Variants in RIPOR2 observed in about 807,000 individuals in gnomAD.
The protein encoded by RIPOR2 is RHO family interacting cell polarization regulator 2.
A neutral mutation model predicts 114.5 loss-of-function variants in RIPOR2; 39 were observed. That is an observed-to-expected ratio of 0.34 (90% CI 0.26 to 0.44). The LOEUF (loss-of-function observed/expected upper bound fraction) is 0.44, where lower values mean the gene tolerates loss of function less well. RIPOR2 is among the 20% of genes least tolerant of loss of function. The pLI, the probability that RIPOR2 is intolerant of heterozygous loss-of-function variation, is 1.00. For missense variants in RIPOR2, 1,007 were observed against 1,255.1 expected (o/e 0.80, Z 2.99); for synonymous variants, 445 against 484.4 (o/e 0.92, Z 1.07).
chr6:24,934,522 G>T (rs750420558), intron 1 of RIPOR2, among the ~76,000 whole-genome samples: 4 of 152,180 alleles, frequency 2.6e-5, no homozygotes, highest in Non-Finnish European at 5.9e-5. Flanking sequence ...TACATGACTA[G>T]ATTACAAGGG....
intron 1 of RIPOR2, among the ~76,000 whole-genome samples, chr6:24,986,596 G>A (rs1774539309): frequency 6.6e-6 from 1 of 152,134 alleles, no homozygotes; most frequent in Admixed American, 6.5e-5. Flanking sequence ...TTCTGTTCAG[G>A]AAATGTAGTT....
chr6:24,839,730 T>C (rs1761468210), intron 13 of RIPOR2: 1 of 1,441,708 alleles, frequency 6.9e-7, no homozygotes, highest in Non-Finnish European at 9.0e-7. Context: ...CAAAATAAAA[T>C]ACCACAAGCA....
At chr6:24,986,029 G>A (rs1004435324) in intron 1 of RIPOR2, among the ~76,000 whole-genome samples, 9 of 152,142 alleles carry the variant, frequency 5.9e-5, no homozygotes, top group African/African-American at 2.2e-4. Flanking sequence ...AGTGTGATAA[G>A]GACCTAGGGA....
intron 1 of RIPOR2, among the ~76,000 whole-genome samples, chr6:24,989,596 T>C (rs1318280101): frequency 6.6e-6 from 1 of 152,004 alleles, no homozygotes; most frequent in African/African-American, 2.4e-5. Context: ...TACCCAGCCT[T>C]GTACTTTTCT....
intron 1 of RIPOR2, among the ~76,000 whole-genome samples, chr6:24,932,709 A>T (rs748928865): frequency 2.0e-5 from 3 of 152,158 alleles, no homozygotes; most frequent in Admixed American, 6.5e-5. Context: ...CTAAATTCTA[A>T]ATCTGTGTAA....
chr6:24,962,467 G>T (rs1390598383), intron 1 of RIPOR2, among the ~76,000 whole-genome samples: 1 of 152,114 alleles, frequency 6.6e-6, no homozygotes, highest in Admixed American at 6.6e-5. Context: ...GAATGTAAAC[G>T]GAGAGATGAG....
chr6:24,930,264 G>A (rs762277139), intron 1 of RIPOR2, among the ~76,000 whole-genome samples: 13 of 152,126 alleles, frequency 8.5e-5, no homozygotes, highest in Non-Finnish European at 1.8e-4. Context: ...TACCTACAAT[G>A]AGTATGCATG....
At chr6:24,955,516 C>A (rs913904301) in intron 1 of RIPOR2, among the ~76,000 whole-genome samples, 2 of 138,030 alleles carry the variant, frequency 1.4e-5, no homozygotes, top group African/African-American at 5.1e-5. Flanking sequence ...TTCCTCCCCC[C>A]ACTATTTCAA....
chr6:24,906,505 G>A (rs562112175), intron 1 of RIPOR2, among the ~76,000 whole-genome samples: 1 of 152,238 alleles, frequency 6.6e-6, no homozygotes, highest in South Asian at 2.1e-4. Context: ...AGTGAAAGGT[G>A]GTGCTATTAA....
intron 1 of RIPOR2, among the ~76,000 whole-genome samples, chr6:25,027,298 A>G (rs1302250709): frequency 6.6e-6 from 1 of 152,132 alleles, no homozygotes; most frequent in African/African-American, 2.4e-5. Context: ...GAAGAAAAGC[A>G]CTTAGCACAC....
At chr6:24,936,605 A>G (rs1440876290), upstream of RIPOR2, among the ~76,000 whole-genome samples, 1 of 152,212 alleles carries the variant, frequency 6.6e-6, no homozygotes, top group Non-Finnish European at 1.5e-5. Flanking sequence ...ACTCAGTTTG[A>G]TACTTCAGAC....
At chr6:24,848,798 A>G (rs1163515151) in intron 11 of RIPOR2, among the ~76,000 whole-genome samples, 1 of 152,200 alleles carries the variant, frequency 6.6e-6, no homozygotes, top group Non-Finnish European at 1.5e-5. Flanking sequence ...CTGCTTCTAC[A>G]CCTGGCTTTC....
At chr6:24,941,375 GA>G (rs75044779) in intron 1 of RIPOR2, among the ~76,000 whole-genome samples, 6,001 of 140,690 alleles carry the variant, frequency 0.043, 208 homozygotes, top group African/African-American at 0.095. Context: ...ACTAGAAACA[GA>G]AAAAAAAAAA....
At chr6:25,023,776 G>C (rs9356953) in intron 1 of RIPOR2, 151,408 of 794,264 alleles carry the variant, frequency 0.19, 19,542 homozygotes, top group East Asian at 0.58. Context: ...TGGAGCCATC[G>C]TTGACGTTGG....
chr6:24,853,246 G>A (rs13199007), intron 8 of RIPOR2, among the ~76,000 whole-genome samples: 4 of 152,062 alleles, frequency 2.6e-5, no homozygotes, highest in African/African-American at 7.2e-5. Flanking sequence ...AAAGAAAGAC[G>A]GGACTTTTCT....
intron 4 of RIPOR2, among the ~76,000 whole-genome samples, chr6:24,871,549 G>A (rs1396905886): frequency 2.6e-5 from 4 of 152,106 alleles, no homozygotes; most frequent in South Asian, 4.2e-4. Context: ...ACAGGGTCTC[G>A]CCACGTTGGC....
chr6:24,887,250 C>G (rs77868117), intron 1 of RIPOR2, among the ~76,000 whole-genome samples: 1 of 152,182 alleles, frequency 6.6e-6, no homozygotes, highest in Non-Finnish European at 1.5e-5. Context: ...CTACACCCAC[C>G]GTGAGAGGGG....
chr6:24,872,008 AGT>A (rs1171654077), intron 4 of RIPOR2, among the ~76,000 whole-genome samples: 1 of 152,256 alleles, frequency 6.6e-6, no homozygotes, highest in Non-Finnish European at 1.5e-5. Context: ...AAAGGACAAC[AGT>A]ATACATTTGA....
chr6:24,890,285 A>G (rs965568757), intron 1 of RIPOR2, among the ~76,000 whole-genome samples: 1 of 152,234 alleles, frequency 6.6e-6, no homozygotes, highest in Non-Finnish European at 1.5e-5. Context: ...GATAAAGAAA[A>G]TGTGGTATAT....
Sources: gnomAD v4.1 joint callset for allele counts (sites outside exome capture counted in the v4.1 genomes callset) on GRCh38, gnomAD v4.1.1 for gene constraint, MANE v1.5 for transcripts, NCBI Gene and HGNC (gene_info 2026-07-23, HGNC 2026-07-21) for gene names.